Variants in SPSB4 observed in about 807,000 individuals in gnomAD.
SPSB4 encodes the protein SPRY domain-containing SOCS box protein 4.
A neutral mutation model predicts 20.9 loss-of-function variants in SPSB4; 21 were observed. The observed-to-expected ratio is 1.01, with a 90% CI of 0.71 to 1.45. SPSB4 has a LOEUF of 1.45. Ranked by LOEUF, SPSB4 falls within the 40% of genes most tolerant of loss-of-function variation. The pLI, the probability that SPSB4 is intolerant of heterozygous loss-of-function variation, is 0.00. For missense variants in SPSB4, 399 were observed against 399.2 expected (o/e 1.00, Z 0.00); for synonymous variants, 207 against 183.8 (o/e 1.13, Z -1.02).
chr3:141,053,942 C>T (rs1481608844), intron 1 of SPSB4, among the ~76,000 whole-genome samples: 2 of 152,172 alleles, frequency 1.3e-5, no homozygotes, highest in Non-Finnish European at 2.9e-5. Flanking sequence ...TACCCACCCT[C>T]CTAGCCTTCT....
intron 2 of SPSB4, among the ~76,000 whole-genome samples, chr3:141,098,664 T>A (rs1005205922): frequency 4.6e-5 from 7 of 152,248 alleles, no homozygotes; most frequent in African/African-American, 1.7e-4. Flanking sequence ...CTCTAGTAGA[T>A]TCTCTTTTGA....
chr3:141,110,315 A>G lies in SPSB4; in HGVS notation c.695-36827A>G, dbSNP rs138041930. Reference sequence around the variant, plus strand: ...TCCATTAACATCTCATAGGTTAACTAGCATTTTCAATCATTAAAACAGAGC... The same window carrying G: ...TCCATTAACATCTCATAGGTTAACTGGCATTTTCAATCATTAAAACAGAGC... On this transcript the variant is annotated intron_variant, in intron 2 of 2. Coordinates refer to ENST00000310546, the MANE Select transcript of SPSB4 (RefSeq NM_080862.3). Among the ~76,000 whole-genome samples, 148 of 152,364 alleles carry G rather than the reference A, an allele frequency of 9.7e-4. 3 individuals are homozygous for G. Among genetic ancestry groups the G allele is most frequent in the African/African-American group, 3.5e-3 (145 of 41,584 alleles).
intron 2 of SPSB4, among the ~76,000 whole-genome samples, chr3:141,109,040 T>C (rs544910898): frequency 6.6e-6 from 1 of 152,354 alleles, no homozygotes; most frequent in East Asian, 1.9e-4. Context: ...CCTGGGCCTT[T>C]TGGAGTCCAG....
chr3:141,091,782 A>C (rs189566210), intron 2 of SPSB4, among the ~76,000 whole-genome samples: 1 of 152,350 alleles, frequency 6.6e-6, no homozygotes, highest in East Asian at 1.9e-4. Context: ...ACTGCCCACT[A>C]CAGGTGGTAC....
At chr3:141,108,612 C>A (rs551322549) in intron 2 of SPSB4, among the ~76,000 whole-genome samples, 1 of 152,264 alleles carries the variant, frequency 6.6e-6, no homozygotes, top group Non-Finnish European at 1.5e-5. Context: ...AGGATCAGAC[C>A]GAGGCCATGC....
At chr3:141,058,283 C>G (rs1386594526) in intron 1 of SPSB4, among the ~76,000 whole-genome samples, 1 of 152,300 alleles carries the variant, frequency 6.6e-6, no homozygotes, top group African/African-American at 2.4e-5. Flanking sequence ...TCCTCATTTC[C>G]CTGTCGGGTA....
intron 2 of SPSB4, among the ~76,000 whole-genome samples, chr3:141,077,739 G>A (rs1449828347): frequency 6.6e-6 from 1 of 152,202 alleles, no homozygotes; most frequent in Non-Finnish European, 1.5e-5. Context: ...ACAACTGAGG[G>A]CCACTCACAG....
chr3:141,079,299 A>C (rs1938180450), intron 2 of SPSB4, among the ~76,000 whole-genome samples: 1 of 151,926 alleles, frequency 6.6e-6, no homozygotes, highest in Non-Finnish European at 1.5e-5. Flanking sequence ...TTTGGTTGGC[A>C]GCAGAGGCCC....
chr3:141,123,529 A>G (rs1215872104), intron 2 of SPSB4, among the ~76,000 whole-genome samples: 1 of 152,204 alleles, frequency 6.6e-6, no homozygotes, highest in Non-Finnish European at 1.5e-5. Context: ...GTAACCTGAT[A>G]TCTGGTAGAC....
intron 1 of SPSB4, among the ~76,000 whole-genome samples, chr3:141,055,776 T>C (rs1472912698): frequency 6.6e-6 from 1 of 152,150 alleles, no homozygotes. Context: ...GAGGTGCACA[T>C]GGACCACAGA....
Position 141,066,291 on chromosome 3 carries a change from C to A in SPSB4, c.187C>A (p.Leu63Ile). The A allele has an allele frequency of 6.4e-7, 1 of 1,569,986 alleles. No individual in the cohort carries two copies. The highest frequency in any genetic ancestry group is 8.6e-7 in the Non-Finnish European group (1 of 1,159,262). ...CGCGTGGAACCCCGAGGACCGCTCG[C>A]TCAACGTCTTCGTCAAGGACGACGA... The part of the protein sequence containing the change: ...RHAWNPEDRS[L>I]NVFVKDDDRL... Residue 63 changes from leucine (L) to isoleucine (I), a missense_variant, in exon 2 of 3, where the codon CTC becomes ATC. By Grantham distance (5) the Leu-to-Ile change is conservative. Transcript: ENST00000310546.
At chr3:141,098,866 G>T (rs1242029967) in intron 2 of SPSB4, among the ~76,000 whole-genome samples, 1 of 152,180 alleles carries the variant, frequency 6.6e-6, no homozygotes, top group Non-Finnish European at 1.5e-5. Context: ...AAAGACAGAA[G>T]TTTATTTGTC....
chr3:141,108,679 G>A (rs1938738695), intron 2 of SPSB4, among the ~76,000 whole-genome samples: 2 of 152,222 alleles, frequency 1.3e-5, no homozygotes, highest in African/African-American at 2.4e-5. Flanking sequence ...TGATAGTTCA[G>A]TGAGATGAGC....
At chr3:141,145,701 C>G (rs988180931) in intron 2 of SPSB4, among the ~76,000 whole-genome samples, 3 of 152,138 alleles carry the variant, frequency 2.0e-5, no homozygotes, top group African/African-American at 7.2e-5. Flanking sequence ...CCAGCATACT[C>G]CTGGAGGACT....
At chr3:141,129,362 A>C (rs1939099639) in intron 2 of SPSB4, among the ~76,000 whole-genome samples, 1 of 152,170 alleles carries the variant, frequency 6.6e-6, no homozygotes, top group Non-Finnish European at 1.5e-5. Flanking sequence ...TTGGGATTAC[A>C]GTTCTTTAAG....
chr3:141,084,103 G>C (rs1938295682), intron 2 of SPSB4, among the ~76,000 whole-genome samples: 1 of 152,178 alleles, frequency 6.6e-6, no homozygotes, highest in Non-Finnish European at 1.5e-5. Flanking sequence ...GCTGGGTAGA[G>C]CTCATGTGGA....
chr3:141,068,372 A>G (rs1410465174), intron 2 of SPSB4, among the ~76,000 whole-genome samples: 1 of 152,226 alleles, frequency 6.6e-6, no homozygotes, highest in African/African-American at 2.4e-5. Flanking sequence ...CCTTGTGGAA[A>G]GTGTCTGGAG....
At position 141,095,412 on chromosome 3, in the gene SPSB4, C is replaced by T. The variant is rs541120632; in HGVS notation, c.694+28614C>T. On this transcript the variant is annotated intron_variant, in intron 2 of 2. Transcript: ENST00000310546. ...CATAATGGAAGAGGCTGTCCTGGGG[C>T]GCAGAACAGACTTATTCATTCCCCA... 1.4e-4 allele frequency among the ~76,000 whole-genome samples: 21 copies of T among 152,190 alleles called. No homozygotes were observed. In the South Asian group the frequency reaches 4.0e-3, roughly 29 times the overall value.
chr3:141,128,169 A>G (rs1411751395), intron 2 of SPSB4, among the ~76,000 whole-genome samples: 3 of 152,124 alleles, frequency 2.0e-5, no homozygotes, highest in African/African-American at 7.2e-5. Context: ...TTGGTCAGAG[A>G]CTGGGGTGCA....
Sources: allele counts gnomAD v4.1 joint callset (sites outside exome capture counted in the v4.1 genomes callset), GRCh38; gene constraint gnomAD v4.1.1; transcripts MANE v1.5; gene names NCBI Gene and HGNC (gene_info 2026-07-23, HGNC 2026-07-21).